The following RAB38 variants were observed in gnomAD, a reference collection of about 807,000 sequenced individuals.
The protein encoded by RAB38 is ras-related protein Rab-38.
Under a neutral mutation model 18.4 loss-of-function variants are expected in RAB38, and 15 were observed. The ratio of observed to expected loss-of-function variants is 0.82; its 90% CI spans 0.55 to 1.26. The LOEUF (loss-of-function observed/expected upper bound fraction) is 1.26. RAB38 is among the 50% of genes most tolerant of loss of function. The pLI is 0.00. For synonymous variants in RAB38, 101 were observed against 104.4 expected (o/e 0.97, Z 0.20); for missense variants, 294 against 267.4 (o/e 1.10, Z -0.69).
the RAB38 span, among the ~76,000 whole-genome samples, chr11:87,847,407 T>TA: frequency 9.2e-5 from 14 of 152,226 alleles, no homozygotes; most frequent in African/African-American, 3.4e-4. Flanking sequence ...ATGAAACAGA[T>TA]TTCTTAAGAC....
the RAB38 span, among the ~76,000 whole-genome samples, chr11:87,892,955 G>A: frequency 1.8e-3 from 270 of 151,676 alleles, 1 homozygote; most frequent in African/African-American, 6.0e-3. Context: ...GATCATCCTG[G>A]TAGACTATAT....
the RAB38 span, among the ~76,000 whole-genome samples, chr11:87,942,334 C>T: frequency 5.3e-5 from 8 of 152,094 alleles, no homozygotes; most frequent in Non-Finnish European, 8.8e-5. Flanking sequence ...AGAAAAGACA[C>T]GGCCATTTTG....
chr11:88,041,093 C>T, the RAB38 span, among the ~76,000 whole-genome samples: 1 of 152,194 alleles, frequency 6.6e-6, no homozygotes, highest in South Asian at 2.1e-4. Context: ...TATCCTAAAA[C>T]ATTGCTAGGA....
At chr11:87,847,008 T>C in the RAB38 span, among the ~76,000 whole-genome samples, 2 of 152,028 alleles carry the variant, frequency 1.3e-5, no homozygotes, top group African/African-American at 4.8e-5. Context: ...AAAATTTTTC[T>C]GAGTAGCTAA....
At chr11:87,897,486 A>G in the RAB38 span, among the ~76,000 whole-genome samples, 1 of 151,594 alleles carries the variant, frequency 6.6e-6, no homozygotes, top group Non-Finnish European at 1.5e-5. Context: ...TTAATATTGA[A>G]CAGTGTTAAG....
chr11:87,844,742 T>A, the RAB38 span, among the ~76,000 whole-genome samples: 1 of 152,144 alleles, frequency 6.6e-6, no homozygotes, highest in Non-Finnish European at 1.5e-5. Flanking sequence ...CCCTAATCAA[T>A]CTGACTTGTA....
At chr11:88,060,188 C>T in the RAB38 span, 1 of 152,148 alleles carries the variant, frequency 6.6e-6, no homozygotes, top group South Asian at 2.1e-4. Context: ...CGTTTTTGAT[C>T]AGAACTGCTC....
At chr11:88,162,469 T>TAC (rs3080354) in intron 1 of RAB38, among the ~76,000 whole-genome samples, 37,380 of 151,926 alleles carry the variant, frequency 0.25, 4,619 homozygotes, top group Admixed American at 0.27. Flanking sequence ...TCCCAGTGGA[T>TAC]TTGCAGGCTT....
chr11:88,079,794 A>T, the RAB38 span, among the ~76,000 whole-genome samples: 6 of 151,916 alleles, frequency 3.9e-5, no homozygotes, highest in African/African-American at 9.6e-5. Flanking sequence ...AAAGAAAAAA[A>T]ATATAGTAAT....
At chr11:88,103,264 C>T in the RAB38 span, among the ~76,000 whole-genome samples, 2 of 151,952 alleles carry the variant, frequency 1.3e-5, no homozygotes, top group South Asian at 4.2e-4. Flanking sequence ...TATTGACAAG[C>T]ATTTGAAATC....
chr11:88,053,248 T>C, the RAB38 span, among the ~76,000 whole-genome samples: 6 of 101,020 alleles, frequency 5.9e-5, no homozygotes, highest in East Asian at 5.1e-4. Context: ...TATACACACA[T>C]ATATATGGAA....
At chr11:87,906,835 T>C in the RAB38 span, among the ~76,000 whole-genome samples, 4 of 151,936 alleles carry the variant, frequency 2.6e-5, no homozygotes, top group Non-Finnish European at 4.4e-5. Flanking sequence ...TATTCACCCA[T>C]TGATATATCT....
At chr11:87,931,025 T>G in the RAB38 span, among the ~76,000 whole-genome samples, 1 of 152,156 alleles carries the variant, frequency 6.6e-6, no homozygotes, top group Non-Finnish European at 1.5e-5. Flanking sequence ...TTCTTTTGGC[T>G]TAGGATTGAC....
chr11:87,920,512 A>T, the RAB38 span, among the ~76,000 whole-genome samples: 11,786 of 152,078 alleles, frequency 0.077, 646 homozygotes, highest in East Asian at 0.18. Context: ...ACTTGATATG[A>T]TTTCAATCTT....
the RAB38 span, among the ~76,000 whole-genome samples, chr11:87,903,186 T>C: frequency 5.3e-5 from 8 of 151,478 alleles, no homozygotes; most frequent in South Asian, 2.1e-4. Flanking sequence ...TCTTTCAACA[T>C]TAAGAAATGA....
the RAB38 span, among the ~76,000 whole-genome samples, chr11:87,957,376 G>C: frequency 7.0e-6 from 1 of 142,742 alleles, no homozygotes; most frequent in Admixed American, 7.3e-5. Context: ...TGACAGTCCT[G>C]TAACAAAAGA....
At chr11:88,066,264 G>A in the RAB38 span, among the ~76,000 whole-genome samples, 1 of 152,168 alleles carries the variant, frequency 6.6e-6, no homozygotes, top group Non-Finnish European at 1.5e-5. Flanking sequence ...TGCTGCCTGA[G>A]GTTATTGCAG....
chr11:88,025,304 CAT>C, the RAB38 span, among the ~76,000 whole-genome samples: 3,411 of 151,930 alleles, frequency 0.022, 119 homozygotes, highest in African/African-American at 0.078. Context: ...AGCTTGATTA[CAT>C]GTCTTTGCTA....
At chr11:87,816,328 G>A in the RAB38 span, 1 of 152,488 alleles carries the variant, frequency 6.6e-6, no homozygotes, top group African/African-American at 2.4e-5. Flanking sequence ...CTGTGGTGCT[G>A]TGGGTTGTGG....
Sources: allele counts gnomAD v4.1 joint callset (sites outside exome capture counted in the v4.1 genomes callset), GRCh38; gene constraint gnomAD v4.1.1; transcripts MANE v1.5; gene names NCBI Gene and HGNC (gene_info 2026-07-23, HGNC 2026-07-21).